The following CREB5 variants were observed in gnomAD, a reference collection of about 807,000 sequenced individuals.
The protein encoded by CREB5 is cyclic AMP-responsive element-binding protein 5.
Under a neutral mutation model 57.1 loss-of-function variants are expected in CREB5, and 19 were observed. The observed-to-expected ratio is 0.33, with a 90% confidence interval of 0.23 to 0.49. CREB5 has a LOEUF of 0.49. CREB5 is among the 20% of genes least tolerant of loss of function. The pLI is 0.99. For synonymous variants in CREB5, 238 were observed against 238.3 expected (o/e 1.00, Z 0.01); for missense variants, 579 against 671.6 (o/e 0.86, Z 1.52).
At chr7:28,354,013 A>T (rs978159553) in intron 1 of CREB5, among the ~76,000 whole-genome samples, 1 of 152,188 alleles carries the variant, frequency 6.6e-6, no homozygotes, top group Admixed American at 6.5e-5. Flanking sequence ...ATATCTGGAG[A>T]TAAGCAGGAA....
intron 1 of CREB5, among the ~76,000 whole-genome samples, chr7:28,484,953 T>A (rs532926619): frequency 6.6e-6 from 1 of 152,262 alleles, no homozygotes; most frequent in Non-Finnish European, 1.5e-5. Context: ...ATCCTGTAAT[T>A]CTAAGGTATT....
chr7:28,516,682 G>A (rs1293329651), intron 4 of CREB5, among the ~76,000 whole-genome samples: 3 of 152,122 alleles, frequency 2.0e-5, no homozygotes, highest in African/African-American at 7.2e-5. Flanking sequence ...TTAAGGTCTG[G>A]GGAAAAGGTA....
At chr7:28,744,340 CTTTTTTTTTTTTT>C (rs753167682) in intron 7 of CREB5, among the ~76,000 whole-genome samples, 1 of 88,786 alleles carries the variant, frequency 1.1e-5, no homozygotes, top group Non-Finnish European at 2.2e-5. Flanking sequence ...TTTAGTACCT[CTTTTTTTTTTTTT>C]TTTTTTTTTT....
intron 7 of CREB5, among the ~76,000 whole-genome samples, chr7:28,731,350 A>G (rs1041294730): frequency 6.6e-6 from 1 of 152,244 alleles, no homozygotes; most frequent in Non-Finnish European, 1.5e-5. Context: ...ACAGAAAAGA[A>G]TAAGTTCTTA....
In CREB5 at chr7:28,570,410, G is replaced by C. The variant is rs143789664; in HGVS notation, c.337G>C (p.Gly113Arg). Residue 113 changes from glycine (G) to arginine (R), a missense_variant, in exon 5 of 11, where the codon GGA becomes CGA. Gly to Arg is a moderately radical substitution (Grantham distance 125). This residue lies in a region of CREB5 where 459 missense variants were observed against 515.7 expected (regional missense o/e 0.89). Coordinates refer to ENST00000357727, the MANE Select transcript of CREB5 (RefSeq NM_182898.4). Reference sequence around the variant, plus strand: ...AGTTGGTGGGGCCATGACGGGGCCCGGAACTCACCAGCTTAGCAGCGCTCG... The same window carrying C: ...AGTTGGTGGGGCCATGACGGGGCCCCGAACTCACCAGCTTAGCAGCGCTCG... ...NAVGGAMTGPGTHQLSSARLP... is the reference protein window; with the variant it reads ...NAVGGAMTGPRTHQLSSARLP... 6.2e-7 allele frequency: 1 copy of C among 1,614,078 alleles called. No homozygotes were observed. The highest frequency in any genetic ancestry group is 1.7e-5 in the Admixed American group (1 of 60,002).
chr7:28,543,673 A>T (rs1583602716), intron 4 of CREB5, among the ~76,000 whole-genome samples: 1 of 152,028 alleles, frequency 6.6e-6, no homozygotes. Flanking sequence ...ATAAATCTCA[A>T]TCCAGTCCAC....
At chr7:28,416,584 T>C (rs1253543217) in intron 1 of CREB5, among the ~76,000 whole-genome samples, 1 of 152,048 alleles carries the variant, frequency 6.6e-6, no homozygotes, top group Admixed American at 6.6e-5. Flanking sequence ...TCATGAAGGG[T>C]CTGATTTGCC....
intron 4 of CREB5, among the ~76,000 whole-genome samples, chr7:28,533,408 A>G (rs1583589038): frequency 1.3e-5 from 2 of 152,186 alleles, no homozygotes; most frequent in East Asian, 3.9e-4. Context: ...CATAAGACAC[A>G]TGGACACTCT....
At chr7:28,680,691 C>G (rs1290503404) in intron 5 of CREB5, among the ~76,000 whole-genome samples, 1 of 149,462 alleles carries the variant, frequency 6.7e-6, no homozygotes, top group Non-Finnish European at 1.5e-5. Flanking sequence ...CCCAGGAGGT[C>G]AAGGCTACAG....
intron 4 of CREB5, among the ~76,000 whole-genome samples, chr7:28,516,375 C>G (rs1463430928): frequency 6.6e-6 from 1 of 152,174 alleles, no homozygotes; most frequent in Non-Finnish European, 1.5e-5. Context: ...ATTTTATAAA[C>G]ACAGCCTCAT....
At chr7:28,578,741 G>A (rs1795999272) in intron 5 of CREB5, among the ~76,000 whole-genome samples, 1 of 152,166 alleles carries the variant, frequency 6.6e-6, no homozygotes, top group African/African-American at 2.4e-5. Flanking sequence ...CATGTAATCA[G>A]ATACTTTGAG....
At chr7:28,403,924 A>C (rs1787527031) in intron 1 of CREB5, among the ~76,000 whole-genome samples, 1 of 152,234 alleles carries the variant, frequency 6.6e-6, no homozygotes, top group Non-Finnish European at 1.5e-5. Context: ...CATTATTAGC[A>C]TTAATTTTAC....
chr7:28,430,239 C>T (rs182359039), intron 1 of CREB5, among the ~76,000 whole-genome samples: 17 of 152,216 alleles, frequency 1.1e-4, no homozygotes, highest in South Asian at 4.2e-4. Context: ...TGAAAGAGGC[C>T]CCATCTTTAT....
intron 5 of CREB5, among the ~76,000 whole-genome samples, chr7:28,673,301 C>G (rs1013245164): frequency 5.9e-5 from 9 of 152,180 alleles, no homozygotes; most frequent in African/African-American, 2.2e-4. Context: ...ATTTTAAAAC[C>G]TGTCCCAGGA....
At chr7:28,551,397 T>C (rs1794636170) in intron 4 of CREB5, among the ~76,000 whole-genome samples, 1 of 152,184 alleles carries the variant, frequency 6.6e-6, no homozygotes, top group South Asian at 2.1e-4. Flanking sequence ...TTTCCTCTGA[T>C]GTCCGCCCAC....
intron 7 of CREB5, among the ~76,000 whole-genome samples, chr7:28,761,969 A>C (rs182761642): frequency 6.6e-6 from 1 of 152,198 alleles, no homozygotes; most frequent in Admixed American, 6.5e-5. Context: ...GAAACATGTG[A>C]ATCTCAATGT....
intron 4 of CREB5, among the ~76,000 whole-genome samples, chr7:28,532,400 G>A (rs998973763): frequency 1.1e-4 from 17 of 152,180 alleles, no homozygotes; most frequent in Admixed American, 3.3e-4. Flanking sequence ...TTTAAGCCAC[G>A]AAATTTTGTG....
intron 1 of CREB5, among the ~76,000 whole-genome samples, chr7:28,315,909 G>A (rs1785369658): frequency 6.6e-6 from 1 of 152,170 alleles, no homozygotes; most frequent in African/African-American, 2.4e-5. Context: ...AGTGATCAGT[G>A]GAGGAAAAAG....
intron 1 of CREB5, among the ~76,000 whole-genome samples, chr7:28,465,234 CCCTCGAGGTTG>C (rs1331851518): frequency 6.6e-6 from 1 of 152,134 alleles, no homozygotes; most frequent in Non-Finnish European, 1.5e-5. Flanking sequence ...ACTAATTATT[CCCTCGAGGTTG>C]CCTCAAACTT....
Sources: gnomAD v4.1 joint callset for allele counts (sites outside exome capture counted in the v4.1 genomes callset) on GRCh38, gnomAD v4.1.1 for gene constraint, gnomAD v4.1.1 regional missense constraint, MANE v1.5 for transcripts, NCBI Gene and HGNC (gene_info 2026-07-23, HGNC 2026-07-21) for gene names.